Variants in FYB2 observed in about 807,000 individuals in gnomAD.
FYB2 encodes the protein FYN-binding protein 2.
A neutral mutation model predicts 94.1 loss-of-function variants in FYB2; 103 were observed. The observed-to-expected ratio is 1.09, with a 90% confidence interval of 0.93 to 1.29. The LOEUF is 1.29. FYB2 is among the 50% of genes most tolerant of loss of function. The probability of loss-of-function intolerance (pLI) is 0.00; values close to 1 mark genes in which losing one functional copy is unlikely to be tolerated. For missense variants in FYB2, 896 were observed against 841.5 expected (o/e 1.06, Z -0.80); for synonymous variants, 293 against 287.9 (o/e 1.02, Z -0.18).
chr1:56,754,886 C>T (rs1645286861), intron 7 of FYB2, among the ~76,000 whole-genome samples: 1 of 152,002 alleles, frequency 6.6e-6, no homozygotes, highest in Non-Finnish European at 1.5e-5. Context: ...TACCATGTGA[C>T]CAGCACTGTG....
intron 15 of FYB2, among the ~76,000 whole-genome samples, chr1:56,726,952 T>TTTG (rs761871073): frequency 5.8e-4 from 40 of 68,458 alleles, no homozygotes; most frequent in Admixed American, 8.8e-4. Flanking sequence ...TTTGTTTTGT[T>TTTG]TTTTTTTTTG....
chr1:56,802,689 G>T (rs541083915), intron 1 of FYB2, among the ~76,000 whole-genome samples: 3 of 152,322 alleles, frequency 2.0e-5, no homozygotes, highest in African/African-American at 7.2e-5. Flanking sequence ...TTTCAATGAA[G>T]TAATGAAGAA....
At chr1:56,813,134 A>C (rs2101092271) in intron 1 of FYB2, among the ~76,000 whole-genome samples, 1 of 152,274 alleles carries the variant, frequency 6.6e-6, no homozygotes, top group East Asian at 1.9e-4. Context: ...TCCAGGCTCA[A>C]ATTCCCCCAT....
At chr1:56,754,100 T>C (rs1645268147) in intron 7 of FYB2, among the ~76,000 whole-genome samples, 165 bp from the exon 8 acceptor site, 1 of 152,046 alleles carries the variant, frequency 6.6e-6, no homozygotes. Context: ...ATACATAGCT[T>C]CCTTGAGTTT....
intron 9 of FYB2, among the ~76,000 whole-genome samples, chr1:56,750,362 A>G (rs561761612): frequency 2.6e-5 from 4 of 151,978 alleles, no homozygotes; most frequent in Non-Finnish European, 5.9e-5. Context: ...AGATCCTATG[A>G]CTGTGGCCGT....
intron 4 of FYB2, 128 bp downstream of exon 4, chr1:56,787,047 G>A (rs2100937277): frequency 9.9e-7 from 1 of 1,011,260 alleles, no homozygotes; most frequent in Admixed American, 2.0e-5. Flanking sequence ...TTGCTTATAA[G>A]TTCACTGCTT....
At chr1:56,753,126 G>T (rs1409393764) in intron 8 of FYB2, among the ~76,000 whole-genome samples, 2 of 152,060 alleles carry the variant, frequency 1.3e-5, no homozygotes, top group African/African-American at 2.4e-5. Context: ...TACTTCTGCA[G>T]ATGGGACTGG....
intron 5 of FYB2, among the ~76,000 whole-genome samples, chr1:56,759,341 T>G (rs1645432583): frequency 6.6e-6 from 1 of 152,170 alleles, no homozygotes; most frequent in Non-Finnish European, 1.5e-5. Context: ...GGTGATTTCA[T>G]CATCACGTGA....
At chr1:56,738,722 T>A in intron 13 of FYB2, 69 bp from the exon 14 acceptor site, 1 of 1,505,830 alleles carries the variant, frequency 6.6e-7, no homozygotes, top group Non-Finnish European at 9.2e-7. Flanking sequence ...AGCTGACAGA[T>A]CTCCAATAAC....
At chr1:56,811,843 C>G (rs1646776010) in intron 1 of FYB2, among the ~76,000 whole-genome samples, 1 of 152,144 alleles carries the variant, frequency 6.6e-6, no homozygotes, top group Non-Finnish European at 1.5e-5. Context: ...GGTGGTTCTT[C>G]CCTGTTAATC....
intron 1 of FYB2, among the ~76,000 whole-genome samples, chr1:56,806,728 T>G (rs1246676882): frequency 2.0e-5 from 3 of 152,036 alleles, no homozygotes; most frequent in African/African-American, 7.3e-5. Context: ...GTTTATGATG[T>G]CTTTTAGGAA....
At chr1:56,754,989 G>T (rs535697763) in intron 7 of FYB2, among the ~76,000 whole-genome samples, 1 of 152,046 alleles carries the variant, frequency 6.6e-6, no homozygotes, top group Non-Finnish European at 1.5e-5. Context: ...GCTAAAGCAG[G>T]TTTTCTCCAT....
chr1:56,738,251 C>T (rs1037125714), intron 14 of FYB2, among the ~76,000 whole-genome samples: 5 of 152,042 alleles, frequency 3.3e-5, no homozygotes, highest in African/African-American at 9.7e-5. Flanking sequence ...TGAAGGATAT[C>T]AAGTCCTTCA....
intron 1 of FYB2, among the ~76,000 whole-genome samples, chr1:56,809,613 A>C (rs1437139895): frequency 6.6e-6 from 1 of 152,170 alleles, no homozygotes; most frequent in African/African-American, 2.4e-5. Flanking sequence ...TCCCCAAGGA[A>C]ACTTTCCATC....
At chr1:56,750,104 G>A (rs1645160583) in intron 9 of FYB2, among the ~76,000 whole-genome samples, 1 of 151,932 alleles carries the variant, frequency 6.6e-6, no homozygotes, top group African/African-American at 2.4e-5. Flanking sequence ...CAAATGGTCT[G>A]TGATTTCAAG....
chr1:56,793,184 G>A (rs1472035038), intron 1 of FYB2, among the ~76,000 whole-genome samples: 1 of 152,052 alleles, frequency 6.6e-6, no homozygotes, highest in Non-Finnish European at 1.5e-5. Flanking sequence ...CAGAATTCAA[G>A]GTTCTTCACA....
intron 13 of FYB2, among the ~76,000 whole-genome samples, chr1:56,740,161 C>G (rs1030883088): frequency 6.6e-6 from 1 of 152,058 alleles, no homozygotes; most frequent in Non-Finnish European, 1.5e-5. Flanking sequence ...AATTTGGAAC[C>G]TCTCTCAAAA....
At chr1:56,799,484 C>A (rs997363544) in intron 1 of FYB2, among the ~76,000 whole-genome samples, 3 of 151,856 alleles carry the variant, frequency 2.0e-5, no homozygotes, top group African/African-American at 7.3e-5. Flanking sequence ...TTATTTATAC[C>A]GACATGAGCA....
intron 9 of FYB2, 47 bp from the exon 10 acceptor site, chr1:56,744,313 C>T: frequency 7.2e-7 from 1 of 1,398,508 alleles, no homozygotes; most frequent in Non-Finnish European, 1.0e-6. Flanking sequence ...CAGCTGCCAT[C>T]ATAAAGTCAT....
Sources: allele counts gnomAD v4.1 joint callset (sites outside exome capture counted in the v4.1 genomes callset), GRCh38; gene constraint gnomAD v4.1.1; transcripts MANE v1.5; gene names NCBI Gene and HGNC (gene_info 2026-07-23, HGNC 2026-07-21).